Variants in ADAM19 observed in about 807,000 individuals in gnomAD.
ADAM19 encodes the protein disintegrin and metalloproteinase domain-containing protein 19.
ADAM19 carries 65 observed loss-of-function variants against 114.7 expected under a neutral mutation model. The ratio of observed to expected loss-of-function variants is 0.57; its 90% CI spans 0.46 to 0.70. The LOEUF (loss-of-function observed/expected upper bound fraction) is 0.70, where lower values mean the gene tolerates loss of function less well. ADAM19 is among the 30% of genes least tolerant of loss of function. The probability of loss-of-function intolerance (pLI) is 0.00; values close to 1 mark genes in which losing one functional copy is unlikely to be tolerated. For missense variants in ADAM19, 1,063 were observed against 1,204.7 expected (o/e 0.88, Z 1.74); for synonymous variants, 466 against 460.5 (o/e 1.01, Z -0.15).
At chr5:157,481,672 T>C (rs1754752642) in intron 22 of ADAM19, 119 bp downstream of exon 22, 3 of 1,551,758 alleles carry the variant, frequency 1.9e-6, no homozygotes, top group Non-Finnish European at 2.6e-6. Context: ...TGGCTTTTGT[T>C]CTGGAAGTTC....
At chr5:157,547,048 G>A (rs1322990937) in intron 3 of ADAM19, among the ~76,000 whole-genome samples, 3 of 152,196 alleles carry the variant, frequency 2.0e-5, no homozygotes, top group Non-Finnish European at 4.4e-5. Flanking sequence ...AGAAAACCAG[G>A]GGAGGCACAG....
chr5:157,563,916 G>A (rs539513389), intron 3 of ADAM19, among the ~76,000 whole-genome samples: 17 of 152,248 alleles, frequency 1.1e-4, no homozygotes, highest in African/African-American at 4.1e-4. Flanking sequence ...TCTCAGATGC[G>A]GCTGAACCAG....
intron 9 of ADAM19, among the ~76,000 whole-genome samples, chr5:157,508,951 C>T (rs1755828508): frequency 6.6e-6 from 1 of 152,186 alleles, no homozygotes; most frequent in Non-Finnish European, 1.5e-5. Context: ...GAACAAAGCG[C>T]CAGGAAGATT....
intron 11 of ADAM19, among the ~76,000 whole-genome samples, chr5:157,505,351 T>C (rs774417726): frequency 1.5e-4 from 23 of 151,988 alleles, no homozygotes; most frequent in Non-Finnish European, 2.8e-4. Flanking sequence ...GTGGCTATGA[T>C]CAAAATGTGT....
chr5:157,533,346 G>C (rs1756674949), intron 4 of ADAM19, among the ~76,000 whole-genome samples: 1 of 152,228 alleles, frequency 6.6e-6, no homozygotes, highest in Non-Finnish European at 1.5e-5. Flanking sequence ...AGGAAAGCCA[G>C]TGTGCTGTGA....
At chr5:157,574,604 G>A (rs746306028) in intron 1 of ADAM19, among the ~76,000 whole-genome samples, 10 of 152,190 alleles carry the variant, frequency 6.6e-5, no homozygotes, top group Non-Finnish European at 1.3e-4. Flanking sequence ...GGTCCCCCAA[G>A]CAGCAGTCTG....
intron 21 of ADAM19, among the ~76,000 whole-genome samples, chr5:157,486,417 G>T: frequency 6.6e-6 from 1 of 152,148 alleles, no homozygotes; most frequent in East Asian, 1.9e-4. Flanking sequence ...TGTGCTTGGG[G>T]GCTGTGTTTT....
Position 157,499,610 on chromosome 5 carries a change from GC to G in ADAM19, c.1360del (p.Ala454ArgfsTer91). The G allele has an allele frequency of 6.2e-7, 1 of 1,613,342 alleles. No individual in the cohort carries two copies. Among genetic ancestry groups the G allele is most frequent in the Non-Finnish European group, 8.5e-7 (1 of 1,179,828 alleles). ...NASNCTLRPG[A>X]ECAHGSCCHQ... ...GCAGCAGGAGCCGTGAGCACACTCC[GC>G]CCCCGGCCTCAGGGTACAATTAGAG... On this transcript the variant is annotated frameshift_variant, in exon 13 of 23. Transcript: ENST00000257527. LOFTEE classifies it high-confidence loss of function.
chr5:157,503,708 T>C (rs1190384013), intron 11 of ADAM19, among the ~76,000 whole-genome samples: 1 of 152,150 alleles, frequency 6.6e-6, no homozygotes, highest in Non-Finnish European at 1.5e-5. Context: ...AACCTAAACT[T>C]TTCCTGAAGC....
At chr5:157,492,884 T>C in intron 16 of ADAM19, 89 bp downstream of exon 16, 1 of 1,452,562 alleles carries the variant, frequency 6.9e-7, no homozygotes, top group Non-Finnish European at 9.6e-7. Flanking sequence ...CGAGGTGGCA[T>C]CTGAGCCCAG....
At chr5:157,542,236 T>C (rs1756936332) in intron 3 of ADAM19, among the ~76,000 whole-genome samples, 1 of 151,004 alleles carries the variant, frequency 6.6e-6, no homozygotes, top group Admixed American at 6.6e-5. Context: ...TAGGGAAGGA[T>C]TAAGAAATCT....
chr5:157,491,649 C>G lies in ADAM19; in HGVS notation c.2061G>C (p.Gly687=). Residue 687 remains glycine, a synonymous_variant, in exon 18 of 23, where the codon GGG becomes GGC. Coordinates refer to ENST00000257527, the MANE Select transcript of ADAM19 (RefSeq NM_033274.5). The part of the protein sequence containing the change: ...APPFCNTPGH[G]GSIDSGPMPP... The stretch of plus-strand genomic sequence containing the variant: ...GCATAGGCCCACTGTCGATACTGCC[C>G]CCGTGGCCCGGTGTGTTGCAGAAGG... The G allele has an allele frequency of 6.4e-7, 1 of 1,556,920 alleles. No homozygotes were observed. Among genetic ancestry groups the G allele is most frequent in the Non-Finnish European group, 8.7e-7 (1 of 1,150,534 alleles).
chr5:157,481,790 C>T lies in ADAM19; in HGVS notation c.2703+1G>A. 1.3e-6 allele frequency: 2 copies of T among 1,570,248 alleles called. No homozygotes were observed. Among genetic ancestry groups the T allele is most frequent in the Non-Finnish European group, 1.7e-6 (2 of 1,156,338 alleles). On this transcript the variant is annotated splice_donor_variant, in intron 22 of 22. Coordinates refer to ENST00000257527, the MANE Select transcript of ADAM19 (RefSeq NM_033274.5). LOFTEE classifies it high-confidence loss of function. ...ACCTTGAGGGCTTCCCGTGGACTCACCTTTGGGGCAAGTGCTGCCAGAGGC... is the reference window on the plus strand; with the variant it reads ...ACCTTGAGGGCTTCCCGTGGACTCATCTTTGGGGCAAGTGCTGCCAGAGGC...
chr5:157,528,396 G>C (rs1474774558), intron 5 of ADAM19, among the ~76,000 whole-genome samples: 1 of 152,234 alleles, frequency 6.6e-6, no homozygotes, highest in Non-Finnish European at 1.5e-5. Context: ...TGAGGGGATG[G>C]AGGAAGAGGC....
chr5:157,526,505 G>A (rs548661123), intron 5 of ADAM19, among the ~76,000 whole-genome samples: 1 of 152,306 alleles, frequency 6.6e-6, no homozygotes, highest in East Asian at 1.9e-4. Flanking sequence ...CACAGGCTCA[G>A]TCAGAGACAC....
intron 7 of ADAM19, among the ~76,000 whole-genome samples, chr5:157,517,641 G>C (rs1693910552): frequency 6.6e-6 from 1 of 152,130 alleles, no homozygotes; most frequent in African/African-American, 2.4e-5. Flanking sequence ...GGACCTACAG[G>C]TTTGTGTGCT....
intron 3 of ADAM19, among the ~76,000 whole-genome samples, chr5:157,543,673 T>G (rs925365633): frequency 1.3e-5 from 2 of 152,108 alleles, no homozygotes; most frequent in Non-Finnish European, 1.5e-5. Flanking sequence ...CATCTGAGGT[T>G]TATAATACTA....
intron 11 of ADAM19, among the ~76,000 whole-genome samples, chr5:157,505,342 T>A (rs1185493790): frequency 2.0e-5 from 3 of 152,102 alleles, no homozygotes; most frequent in Non-Finnish European, 4.4e-5. Context: ...TTAAGGGCTG[T>A]GGCTATGATC....
In ADAM19 at chr5:157,488,311, G is replaced by C. The variant is rs1437955761; in HGVS notation, c.2504C>G (p.Pro835Arg). The change falls in exon 21 of 23, where the codon CCT becomes CGT. Residue 835 changes from proline to arginine, a missense_variant. By Grantham distance (103) the Pro-to-Arg change is moderately radical. Transcript: ENST00000257527. The part of the protein sequence containing the change: ...IERTESSRRP[P>R]PSRPIPPAPN... The stretch of plus-strand genomic sequence containing the variant: ...TGCGGGGGGAATTGGCCGGCTTGGA[G>C]GAGGCCTCCTGGACGACTCCGTCCT... 6.2e-7 allele frequency: 1 copy of C among 1,614,182 alleles called. No individual in the cohort carries two copies. The highest frequency in any genetic ancestry group is 1.1e-5 in the South Asian group (1 of 91,090).
Sources: gnomAD v4.1 joint callset for allele counts (sites outside exome capture counted in the v4.1 genomes callset) on GRCh38, gnomAD v4.1.1 for gene constraint, MANE v1.5 for transcripts, NCBI Gene and HGNC (gene_info 2026-07-23, HGNC 2026-07-21) for gene names.